The following TUT4 variants were observed in gnomAD, a reference collection of about 807,000 sequenced individuals.
TUT4 encodes terminal uridylyltransferase 4.
TUT4 carries 36 observed loss-of-function variants against 192.2 expected under a neutral mutation model. The observed-to-expected ratio is 0.19, with a 90% CI of 0.14 to 0.25. The LOEUF is 0.25. Among genes scored for constraint, TUT4 ranks in the 10% least tolerant of loss-of-function variants. TUT4 has a pLI of 1.00. For missense variants in TUT4, 1,493 were observed against 1,957.2 expected (o/e 0.76, Z 4.47); for synonymous variants, 618 against 666.0 (o/e 0.93, Z 1.11).
rs1670750248 is a variant in TUT4, at chr1:52,490,080, C to T, written c.1388+652G>A. On this transcript the variant is annotated intron_variant, in intron 8 of 29. Coordinates refer to ENST00000257177, the MANE Select transcript of TUT4 (RefSeq NM_001009881.3). ...TGAGTTTATTCAATTTAAATCAACTCATTCAATGTAAGTGAAATAAAAACT... is the reference window on the plus strand; with the variant it reads ...TGAGTTTATTCAATTTAAATCAACTTATTCAATGTAAGTGAAATAAAAACT... 2.0e-5 allele frequency among the ~76,000 whole-genome samples: 3 copies of T among 151,010 alleles called. No individual in the cohort carries two copies. In the South Asian group the frequency reaches 6.3e-4, roughly 32 times the overall value.
chr1:52,525,743 T>C lies in TUT4; in HGVS notation c.538A>G (p.Ile180Val). The change falls in exon 2 of 30, where the codon ATT becomes GTT. Residue 180 changes from isoleucine (I) to valine (V), a missense_variant. This residue lies in a region of TUT4 where 260 missense variants were observed against 247.8 expected (regional missense o/e 1.05). Coordinates refer to ENST00000257177, the MANE Select transcript of TUT4 (RefSeq NM_001009881.3). ...AAGGAGCTTGGAATTTTTTTTCCAA[T>C]CTGTTGTAATTCTGTCTTCTGTCTC... ...DMRQKTELQQ[I>V]GKKIPSSFTS... 6.2e-7 allele frequency: 1 copy of C among 1,614,188 alleles called. No individual in the cohort carries two copies. The highest frequency in any genetic ancestry group is 8.5e-7 in the Non-Finnish European group (1 of 1,180,028).
intron 4 of TUT4, among the ~76,000 whole-genome samples, chr1:52,498,931 T>TGAC (rs1673298220): frequency 1.0e-5 from 1 of 98,036 alleles, no homozygotes; most frequent in Non-Finnish European, 2.0e-5. Context: ...TATATATATA[T>TGAC]ATATATATAT....
intron 4 of TUT4, among the ~76,000 whole-genome samples, chr1:52,501,814 G>T (rs150891627): frequency 2.6e-5 from 4 of 152,086 alleles, no homozygotes; most frequent in Non-Finnish European, 4.4e-5. Context: ...GCTACAACGC[G>T]GTTGACCTGA....
In TUT4 at chr1:52,481,075, G is replaced by A. The variant is rs184423829; in HGVS notation, c.1848+348C>T. 8.5e-5 allele frequency among the ~76,000 whole-genome samples: 13 copies of A among 152,220 alleles called. No individual in the cohort carries two copies. The East Asian group carries it at 2.3e-3, about 27-fold the overall frequency. ...AAATAAGCAAAGCTACCCTCTCTTA[G>A]AGCACAGGGGCTTTATTTCTCCACC... On this transcript the variant is annotated intron_variant, in intron 11 of 29. Coordinates refer to ENST00000257177, the MANE Select transcript of TUT4 (RefSeq NM_001009881.3).
At chr1:52,524,891 C>T (rs1681305934) in intron 2 of TUT4, among the ~76,000 whole-genome samples, 1 of 152,190 alleles carries the variant, frequency 6.6e-6, no homozygotes, top group African/African-American at 2.4e-5. Flanking sequence ...TTAGAAGGCC[C>T]TGATATTCCT....
intron 3 of TUT4, among the ~76,000 whole-genome samples, chr1:52,513,193 G>T (rs1288520063): frequency 6.6e-6 from 1 of 150,490 alleles, no homozygotes; most frequent in Non-Finnish European, 1.5e-5. Flanking sequence ...CAGCACGTTG[G>T]GAGGCCGAGA....
At chr1:52,442,165 C>A (rs1329371498) in intron 24 of TUT4, among the ~76,000 whole-genome samples, 1 of 65,924 alleles carries the variant, frequency 1.5e-5, no homozygotes, top group African/African-American at 2.6e-4. Flanking sequence ...GAGACTCCAC[C>A]TCAAAAAAAA....
chr1:52,547,896 T>C (rs190443912), intron 1 of TUT4, among the ~76,000 whole-genome samples: 5 of 152,316 alleles, frequency 3.3e-5, no homozygotes, highest in Admixed American at 2.6e-4. Flanking sequence ...GGTTTCATTA[T>C]GGGATAAAAA....
At position 52,423,649 on chromosome 1, in the gene TUT4, G is replaced by T; in HGVS notation, c.*286C>A. Reference sequence around the variant, plus strand: ...AAACATAAAATTCCCTTAAAAATAGGGTAATAAAATAGATGAAATTTGTAT... The same window carrying T: ...AAACATAAAATTCCCTTAAAAATAGTGTAATAAAATAGATGAAATTTGTAT... On this transcript the variant is annotated 3_prime_UTR_variant, in exon 30 of 30. Transcript: ENST00000257177. 2.1e-6 allele frequency: 1 copy of T among 473,486 alleles called. No homozygotes were observed. Among genetic ancestry groups the T allele is most frequent in the Non-Finnish European group, 3.6e-6 (1 of 275,722 alleles). 29.3% of individuals were successfully genotyped at this position (473,486 alleles called of 1,614,324 possible). A position where few individuals can be genotyped will look rare whatever the true frequency, so the allele number is the denominator to read the frequency against.
In TUT4 at chr1:52,519,366, C is replaced by T. The variant is rs147360602; in HGVS notation, c.719-3312G>A. Among the ~76,000 whole-genome samples, 1,170 of 151,896 alleles carry T rather than the reference C, an allele frequency of 7.7e-3. 11 individuals carry two copies. The highest frequency in any genetic ancestry group is 0.01 in the Middle Eastern group (3 of 294). On this transcript the variant is annotated intron_variant, in intron 2 of 29. Transcript: ENST00000257177. Reference sequence around the variant, plus strand: ...CATGGTTGTCAGTGGGGAGGAGGAGCGGGTAATGAATAGTGACTGCTAATG... The same window carrying T: ...CATGGTTGTCAGTGGGGAGGAGGAGTGGGTAATGAATAGTGACTGCTAATG...
chr1:52,457,547 T>C (rs1392905080), intron 20 of TUT4, among the ~76,000 whole-genome samples: 2 of 152,242 alleles, frequency 1.3e-5, no homozygotes, highest in Non-Finnish European at 2.9e-5. Flanking sequence ...TTTGTGATTT[T>C]CTTCTTTGCC....
At chr1:52,455,607 T>TAA (rs34934935) in intron 20 of TUT4, among the ~76,000 whole-genome samples, 33 of 40,556 alleles carry the variant, frequency 8.1e-4, no homozygotes, top group East Asian at 2.9e-3. Flanking sequence ...ACGCTACCTT[T>TAA]AAAAAAAAAA....
At chr1:52,533,256 T>G (rs1683985099) in intron 1 of TUT4, among the ~76,000 whole-genome samples, 1 of 152,212 alleles carries the variant, frequency 6.6e-6, no homozygotes, top group African/African-American at 2.4e-5. Context: ...AAACTCTTTG[T>G]TTTTTAAGCC....
At chr1:52,449,974 T>A (rs12739831) in intron 20 of TUT4, among the ~76,000 whole-genome samples, 7 of 152,328 alleles carry the variant, frequency 4.6e-5, no homozygotes, top group East Asian at 1.9e-4. Flanking sequence ...GTTAAAAAAA[T>A]TTTTCATAAA....
chr1:52,540,575 C>T (rs868299152), intron 1 of TUT4, among the ~76,000 whole-genome samples: 11 of 151,942 alleles, frequency 7.2e-5, no homozygotes, highest in Admixed American at 6.6e-5. Flanking sequence ...CTAGCATGCC[C>T]ATTCACTTAT....
At chr1:52,494,529 T>A (rs908457800) in intron 6 of TUT4, among the ~76,000 whole-genome samples, 4 of 152,018 alleles carry the variant, frequency 2.6e-5, no homozygotes, top group Non-Finnish European at 5.9e-5. Context: ...CCGTTTCTAC[T>A]AAAAATACAA....
chr1:52,459,234 C>T (rs765302605), intron 19 of TUT4, among the ~76,000 whole-genome samples: 2 of 150,642 alleles, frequency 1.3e-5, no homozygotes, highest in African/African-American at 2.4e-5. Context: ...TGCAGTGAGC[C>T]GAGATAGCAC....
At chr1:52,476,984 GAA>G (rs1667256566) in intron 12 of TUT4, among the ~76,000 whole-genome samples, 1 of 152,166 alleles carries the variant, frequency 6.6e-6, no homozygotes, top group Non-Finnish European at 1.5e-5. Flanking sequence ...GATCTGATGT[GAA>G]ACTTTGTCAA....
chr1:52,438,996 G>A (rs1654656827), intron 24 of TUT4, among the ~76,000 whole-genome samples: 1 of 151,386 alleles, frequency 6.6e-6, no homozygotes, highest in Admixed American at 6.6e-5. Context: ...CTTGAATCCA[G>A]GAAGTGGAGA....
Sources: gnomAD v4.1 joint callset for allele counts (sites outside exome capture counted in the v4.1 genomes callset) on GRCh38, gnomAD v4.1.1 for gene constraint, gnomAD v4.1.1 regional missense constraint, MANE v1.5 for transcripts, NCBI Gene and HGNC (gene_info 2026-07-23, HGNC 2026-07-21) for gene names.